The following NELL1 variants were observed in gnomAD, a reference collection of about 807,000 sequenced individuals.
NELL1 encodes the protein protein kinase C-binding protein NELL1.
NELL1 carries 76 observed loss-of-function variants against 107.4 expected under a neutral mutation model. The observed-to-expected ratio is 0.71, with a 90% CI of 0.59 to 0.86. NELL1 has a LOEUF of 0.86. Ranked by LOEUF, NELL1 falls within the 40% of genes least tolerant of loss-of-function variation. The probability of loss-of-function intolerance (pLI) is 0.00; values close to 1 mark genes in which losing one functional copy is unlikely to be tolerated. For synonymous variants in NELL1, 353 were observed against 341.2 expected (o/e 1.03, Z -0.38); for missense variants, 1,024 against 1,005.5 (o/e 1.02, Z -0.25).
intron 12 of NELL1, among the ~76,000 whole-genome samples, chr11:21,074,425 G>T (rs564291542): frequency 1.8e-4 from 28 of 152,252 alleles, no homozygotes; most frequent in African/African-American, 6.3e-4. Context: ...TGAGTCAGAA[G>T]TTGGGGGCTG....
chr11:21,231,814 G>A (rs891757240), intron 14 of NELL1, among the ~76,000 whole-genome samples: 2 of 152,122 alleles, frequency 1.3e-5, no homozygotes, highest in South Asian at 2.1e-4. Flanking sequence ...TTCTTAAAGT[G>A]ATTGTCATAA....
rs560591440 is a variant in NELL1 at position 21,063,325 on chromosome 11, C to T, written c.1301-50264C>T. The stretch of plus-strand genomic sequence containing the variant: ...CCAACCAGGAAGCTCTGCTGAGCTT[C>T]GGTGTCCAGAGGTTTTATTGGAGTT... On this transcript the variant is annotated intron_variant, in intron 12 of 19. Transcript: ENST00000357134. 1.1e-4 allele frequency among the ~76,000 whole-genome samples: 17 copies of T among 152,218 alleles called. 1 individual carries two copies. Among genetic ancestry groups the T allele is most frequent in the East Asian group, 1.9e-4 (1 of 5,156 alleles).
chr11:21,279,612 A>C (rs1304901996), intron 14 of NELL1, among the ~76,000 whole-genome samples: 1 of 152,202 alleles, frequency 6.6e-6, no homozygotes, highest in African/African-American at 2.4e-5. Context: ...CAAATCCTCA[A>C]AAGGTTATGA....
chr11:21,031,208 CT>C lies in NELL1; in HGVS notation c.1300+70649del, dbSNP rs200473465. Among the ~76,000 whole-genome samples the C allele has an allele frequency of 3.3e-4, 50 of 152,278 alleles. No homozygotes were observed. In the East Asian group the frequency reaches 7.1e-3, roughly 22 times the overall value. Reference sequence around the variant, plus strand: ...ATAGACCGTTCTGTGCACTTCCCTGCTGTTACATATTTAGATCATTTTCAAT... The same window carrying C: ...ATAGACCGTTCTGTGCACTTCCCTGCGTTACATATTTAGATCATTTTCAAT... On this transcript the variant is annotated intron_variant, in intron 12 of 19. Coordinates refer to ENST00000357134, the MANE Select transcript of NELL1 (RefSeq NM_006157.5).
At chr11:20,742,398 C>T (rs1855911240) in intron 2 of NELL1, among the ~76,000 whole-genome samples, 1 of 152,254 alleles carries the variant, frequency 6.6e-6, no homozygotes, top group Non-Finnish European at 1.5e-5. Flanking sequence ...ACTCAGGGAT[C>T]TTGGCTCCCA....
chr11:21,404,613 T>C (rs914949877), intron 15 of NELL1, among the ~76,000 whole-genome samples: 2 of 151,988 alleles, frequency 1.3e-5, no homozygotes, highest in Non-Finnish European at 2.9e-5. Flanking sequence ...ACTGTGATGC[T>C]AGGCACTGTA....
intron 3 of NELL1, among the ~76,000 whole-genome samples, chr11:20,812,985 G>A: frequency 8.8e-6 from 1 of 113,036 alleles, no homozygotes; most frequent in African/African-American, 3.4e-5. Context: ...CTCCAGCCTG[G>A]GCGACAGCGA....
chr11:21,552,598 C>G (rs1266341954), intron 16 of NELL1, among the ~76,000 whole-genome samples: 1 of 151,812 alleles, frequency 6.6e-6, no homozygotes, highest in Non-Finnish European at 1.5e-5. Flanking sequence ...TCCCTTGTCC[C>G]CAGAAAAGCC....
intron 15 of NELL1, among the ~76,000 whole-genome samples, chr11:21,532,775 T>C (rs1405816838): frequency 6.6e-6 from 1 of 152,220 alleles, no homozygotes; most frequent in Non-Finnish European, 1.5e-5. Flanking sequence ...TCTGTTTATA[T>C]GTGTGTCTCT....
chr11:21,486,024 C>T (rs1854622115), intron 15 of NELL1, among the ~76,000 whole-genome samples: 1 of 152,060 alleles, frequency 6.6e-6, no homozygotes, highest in Non-Finnish European at 1.5e-5. Context: ...CACCGTGGAC[C>T]ACTGGGGTTC....
chr11:21,550,931 C>T (rs925788126), intron 16 of NELL1, among the ~76,000 whole-genome samples: 1 of 151,244 alleles, frequency 6.6e-6, no homozygotes, highest in Non-Finnish European at 1.5e-5. Flanking sequence ...TTACCTTGGG[C>T]AGTATGGCCA....
chr11:21,518,723 G>A (rs1855637417), intron 15 of NELL1, among the ~76,000 whole-genome samples: 6 of 152,166 alleles, frequency 3.9e-5, no homozygotes, highest in Admixed American at 3.9e-4. Context: ...GAGAGGTAGA[G>A]TAGCCTCATA....
At chr11:21,041,057 A>G (rs1013612461) in intron 12 of NELL1, among the ~76,000 whole-genome samples, 3 of 152,178 alleles carry the variant, frequency 2.0e-5, no homozygotes, top group Non-Finnish European at 2.9e-5. Flanking sequence ...CCTTTCTTAC[A>G]TCTATAAGCA....
At chr11:20,676,950 A>G (rs540899702) in intron 1 of NELL1, among the ~76,000 whole-genome samples, 46 of 152,340 alleles carry the variant, frequency 3.0e-4, no homozygotes, top group Middle Eastern at 3.4e-3. Flanking sequence ...AGTGATCACT[A>G]GCCTTATTAA....
intron 2 of NELL1, among the ~76,000 whole-genome samples, chr11:20,684,289 TA>T (rs1475597489): frequency 1.3e-5 from 2 of 151,954 alleles, no homozygotes; most frequent in East Asian, 1.9e-4. Flanking sequence ...AAAATTAAAT[TA>T]AAAAAATTTA....
intron 15 of NELL1, among the ~76,000 whole-genome samples, chr11:21,527,599 C>T (rs1855886711): frequency 6.6e-6 from 1 of 152,172 alleles, no homozygotes; most frequent in South Asian, 2.1e-4. Context: ...CACATGATCA[C>T]AAGCTAAAGT....
intron 13 of NELL1, among the ~76,000 whole-genome samples, chr11:21,160,471 T>C (rs1287143195): frequency 1.3e-5 from 2 of 152,194 alleles, no homozygotes; most frequent in African/African-American, 4.8e-5. Context: ...TTTAATTTCA[T>C]TGTGTGCCCT....
At chr11:21,116,746 C>T (rs1855244983) in intron 13 of NELL1, among the ~76,000 whole-genome samples, 2 of 151,930 alleles carry the variant, frequency 1.3e-5, no homozygotes, top group African/African-American at 4.8e-5. Flanking sequence ...GTCCTAAGTC[C>T]ATCCACTTCT....
chr11:21,458,393 T>G (rs1853805326), intron 15 of NELL1, among the ~76,000 whole-genome samples: 1 of 152,102 alleles, frequency 6.6e-6, no homozygotes, highest in African/African-American at 2.4e-5. Flanking sequence ...TAATCAGAGA[T>G]GTAGATAAAG....
Sources: gnomAD v4.1 joint callset for allele counts (sites outside exome capture counted in the v4.1 genomes callset) on GRCh38, gnomAD v4.1.1 for gene constraint, MANE v1.5 for transcripts, NCBI Gene and HGNC (gene_info 2026-07-23, HGNC 2026-07-21) for gene names.